ERC1: variants seen among roughly 807,000 people sequenced by gnomAD.
The protein encoded by ERC1 is ELKS/RAB6-interacting/CAST family member 1.
ERC1 carries 56 observed loss-of-function variants against 132.0 expected under a neutral mutation model. That is an observed-to-expected ratio of 0.42 (90% CI 0.34 to 0.53). ERC1 has a LOEUF of 0.53. Ranked by LOEUF, ERC1 falls within the 20% of genes least tolerant of loss-of-function variation. ERC1 has a pLI of 0.03. For missense variants in ERC1, 1,202 were observed against 1,349.9 expected, an observed-to-expected ratio of 0.89 and a Z score of 1.72; for synonymous variants, 478 against 476.1, an observed-to-expected ratio of 1.00 and a Z score of -0.05.
At chr12:1,152,276 A>G (rs1026815670) in intron 8 of ERC1, 2 of 152,060 alleles carry the variant, frequency 1.3e-5, no homozygotes, top group East Asian at 1.9e-4. Flanking sequence ...CAGAGAAACA[A>G]TAAAGAGAGG....
At chr12:991,176 G>C (rs1463042905), upstream of ERC1, 1 of 142,126 alleles carries the variant, frequency 7.0e-6, no homozygotes, top group Non-Finnish European at 1.5e-5. Context: ...GGCGGGGCTG[G>C]GGGCGGGGCT....
At chr12:1,197,395 T>A (rs1475580901) in intron 12 of ERC1, among the ~76,000 whole-genome samples, 1 of 152,156 alleles carries the variant, frequency 6.6e-6, no homozygotes, top group African/African-American at 2.4e-5. Context: ...TGAAAAGAAA[T>A]CCTTTTCAGG....
intron 2 of ERC1, among the ~76,000 whole-genome samples, chr12:1,029,717 G>C (rs963983478): frequency 6.6e-6 from 1 of 150,772 alleles, no homozygotes; most frequent in East Asian, 1.9e-4. Flanking sequence ...TCATATTCAG[G>C]CTCTACTAGT....
chr12:1,133,684 C>G (rs754509880), intron 7 of ERC1, among the ~76,000 whole-genome samples: 2 of 152,118 alleles, frequency 1.3e-5, no homozygotes, highest in Non-Finnish European at 2.9e-5. Flanking sequence ...ACTCTCTTGG[C>G]AAATTTCAGG....
intron 13 of ERC1, among the ~76,000 whole-genome samples, chr12:1,242,791 G>GA (rs770409469): frequency 9.9e-5 from 15 of 151,876 alleles, no homozygotes; most frequent in Non-Finnish European, 2.2e-4. Context: ...CAATATTATG[G>GA]AAAAAAACAC....
Position 1,182,076 on chromosome 12 carries a change from C to T in ERC1, c.2016+11C>T, listed in dbSNP as rs1288668824. The T allele has an allele frequency of 1.9e-6, 3 of 1,611,458 alleles. No homozygotes were observed. Among genetic ancestry groups the T allele is most frequent in the East Asian group, 2.2e-5 (1 of 44,854 alleles). On this transcript the variant is annotated intron_variant, in intron 10 of 18. Transcript: ENST00000360905. ...CTTTCAGAGAAAGAGGTTAAGCTCC[C>T]CAAAATGGAATTAGTTTGTTTGCTT... is the stretch of plus-strand genomic sequence containing the variant.
chr12:1,306,400 T>C (rs1156584988), intron 15 of ERC1, among the ~76,000 whole-genome samples: 3 of 152,234 alleles, frequency 2.0e-5, no homozygotes, highest in Non-Finnish European at 4.4e-5. Flanking sequence ...TAAACCACGT[T>C]CAGTTGCTAA....
chr12:1,329,149 C>T (rs2082684345), intron 15 of ERC1, among the ~76,000 whole-genome samples: 1 of 146,322 alleles, frequency 6.8e-6, no homozygotes, highest in African/African-American at 2.6e-5. Context: ...ACAAAATTAG[C>T]CAGGCGTGGT....
At chr12:1,382,538 T>C (rs573362468) in intron 16 of ERC1, among the ~76,000 whole-genome samples, 1 of 152,372 alleles carries the variant, frequency 6.6e-6, no homozygotes, top group African/African-American at 2.4e-5. Flanking sequence ...CTGATTTAAT[T>C]GTGTTTGTTT....
chr12:1,403,117 C>CT (rs1018356633), intron 16 of ERC1, among the ~76,000 whole-genome samples: 38 of 152,274 alleles, frequency 2.5e-4, no homozygotes, highest in Middle Eastern at 6.8e-3. Flanking sequence ...CAACTAACTC[C>CT]TTTTTCCTCT....
At chr12:1,289,583 G>A (rs1260368758) in intron 14 of ERC1, among the ~76,000 whole-genome samples, 9 of 152,078 alleles carry the variant, frequency 5.9e-5, no homozygotes, top group African/African-American at 2.2e-4. Flanking sequence ...GGCAGCGTGC[G>A]ACTTCTTAAA....
chr12:1,153,276 G>C (rs1358223039), intron 8 of ERC1, among the ~76,000 whole-genome samples: 2 of 152,232 alleles, frequency 1.3e-5, no homozygotes, highest in Non-Finnish European at 1.5e-5. Context: ...ATGTCTCTCT[G>C]TTCTAGAACT....
chr12:1,002,210 G>T, intron 1 of ERC1, among the ~76,000 whole-genome samples: 1 of 110,622 alleles, frequency 9.0e-6, no homozygotes, highest in East Asian at 2.7e-4. Flanking sequence ...GTTTCACTCT[G>T]TCGCCCAGAC....
chr12:1,153,544 C>T (rs1349428514), intron 8 of ERC1, among the ~76,000 whole-genome samples: 1 of 152,232 alleles, frequency 6.6e-6, no homozygotes, highest in African/African-American at 2.4e-5. Context: ...CAACAGCTCA[C>T]AGTTTTCCTA....
chr12:1,157,858 A>G (rs1439046148), intron 8 of ERC1, among the ~76,000 whole-genome samples: 1 of 152,252 alleles, frequency 6.6e-6, no homozygotes, highest in African/African-American at 2.4e-5. Context: ...ACCATCATGC[A>G]GAAGAAAGAT....
intron 3 of ERC1, among the ~76,000 whole-genome samples, chr12:1,093,942 A>AAATGTATATTTTTCTATATAT (rs1943593488): frequency 2.0e-5 from 1 of 50,810 alleles, no homozygotes; most frequent in Non-Finnish European, 4.5e-5. Context: ...TTTCTATATA[A>AAATGTATATTTTTCTATATAT]ATATATATAT....
intron 12 of ERC1, among the ~76,000 whole-genome samples, chr12:1,214,997 C>T (rs1267714461): frequency 6.6e-6 from 1 of 152,104 alleles, no homozygotes; most frequent in Non-Finnish European, 1.5e-5. Flanking sequence ...TCCTCACATC[C>T]CTTGGGAGAC....
At chr12:1,447,627 GTTTTGTTTTTGT>G (rs796760068) in intron 18 of ERC1, among the ~76,000 whole-genome samples, 92 of 148,786 alleles carry the variant, frequency 6.2e-4, no homozygotes, top group Non-Finnish European at 8.9e-4. Context: ...GTTTGTCTTT[GTTTTGTTTTTGT>G]TTTTGTTTTT....
At chr12:1,331,971 A>G (rs1005394) in intron 15 of ERC1, among the ~76,000 whole-genome samples, 58,784 of 152,054 alleles carry the variant, frequency 0.39, 11,661 homozygotes, top group Middle Eastern at 0.44. Flanking sequence ...CCTGGATTTC[A>G]GGATATATTT....
Sources: gnomAD v4.1 joint callset for allele counts (sites outside exome capture counted in the v4.1 genomes callset) on GRCh38, gnomAD v4.1.1 for gene constraint, MANE v1.5 for transcripts, NCBI Gene and HGNC (gene_info 2026-07-23, HGNC 2026-07-21) for gene names.